ZNRF1: variants seen among roughly 807,000 people sequenced by gnomAD.
ZNRF1 encodes zinc and ring finger 1.
Under a neutral mutation model 18.4 loss-of-function variants are expected in ZNRF1, and 3 were observed. The ratio of observed to expected loss-of-function variants is 0.16; its 90% CI spans 0.07 to 0.42. The LOEUF is 0.42. Ranked by LOEUF, ZNRF1 falls within the 10% of genes least tolerant of loss-of-function variation. The pLI, the probability that ZNRF1 is intolerant of heterozygous loss-of-function variation, is 0.99. For missense variants in ZNRF1, 310 were observed against 329.8 expected (o/e 0.94, Z 0.47); for synonymous variants, 157 against 144.2 (o/e 1.09, Z -0.64).
At chr16:75,040,883 C>CA in intron 1 of ZNRF1, among the ~76,000 whole-genome samples, 1 of 152,066 alleles carries the variant, frequency 6.6e-6, no homozygotes, top group Admixed American at 6.6e-5. Flanking sequence ...GCAGGGATTA[C>CA]AGGCATAAGC....
At position 75,011,666 on chromosome 16, in the gene ZNRF1, C is replaced by T. The variant is rs1403228571; in HGVS notation, c.424+11571C>T. Among the ~76,000 whole-genome samples, 4 of 152,218 alleles carry T rather than the reference C, an allele frequency of 2.6e-5. No homozygotes were observed. In the South Asian group the frequency reaches 8.3e-4, roughly 31 times the overall value. ...CATTCATGCCATTGCAGCCAGTGCC[C>T]TGGAAAGCTATAAGCAAGTCTTAAG... On this transcript the variant is annotated intron_variant, in intron 1 of 4. Coordinates refer to ENST00000335325, the MANE Select transcript of ZNRF1 (RefSeq NM_032268.5).
chr16:75,091,949 T>C (rs1354825503), intron 1 of ZNRF1, among the ~76,000 whole-genome samples: 2 of 152,164 alleles, frequency 1.3e-5, no homozygotes, highest in African/African-American at 4.8e-5. Flanking sequence ...ATGTTATAAA[T>C]GTATTATATA....
At chr16:75,050,837 C>G (rs1196079051) in intron 1 of ZNRF1, among the ~76,000 whole-genome samples, 12 of 127,140 alleles carry the variant, frequency 9.4e-5, no homozygotes, top group African/African-American at 3.5e-4. Flanking sequence ...CGCCACTGCA[C>G]TCCAGCCTGG....
intron 1 of ZNRF1, among the ~76,000 whole-genome samples, chr16:75,024,936 G>T (rs966896808): frequency 2.0e-5 from 3 of 152,212 alleles, no homozygotes; most frequent in African/African-American, 7.2e-5. Flanking sequence ...GCCTCTGGAT[G>T]AATGGGTGTG....
chr16:75,096,617 G>A lies in ZNRF1; in HGVS notation c.520+2950G>A, dbSNP rs2036203168. Among the ~76,000 whole-genome samples the A allele has an allele frequency of 2.6e-5, 4 of 152,186 alleles. No individual in the cohort carries two copies. The South Asian group carries it at 8.3e-4, about 32-fold the overall frequency. On this transcript the variant is annotated intron_variant, in intron 2 of 4. Coordinates refer to ENST00000335325, the MANE Select transcript of ZNRF1 (RefSeq NM_032268.5). ...CTTATGAAGATTCACTAGAACTCCT[G>A]GTCACTCCCCTGAAGACTTCCCATT...
At chr16:75,106,937 C>G (rs1042608085) in intron 4 of ZNRF1, 3 of 225,990 alleles carry the variant, frequency 1.3e-5, no homozygotes, top group Non-Finnish European at 2.7e-5. Flanking sequence ...CCTCGCTCAC[C>G]TCTGAGTCTC....
At chr16:75,093,096 C>T (rs536085362) in intron 1 of ZNRF1, among the ~76,000 whole-genome samples, 2 of 152,250 alleles carry the variant, frequency 1.3e-5, no homozygotes, top group South Asian at 4.1e-4. Context: ...CAATAAAAGG[C>T]AAATGCCACC....
At chr16:75,087,633 T>C (rs1244966708) in intron 1 of ZNRF1, among the ~76,000 whole-genome samples, 2 of 152,152 alleles carry the variant, frequency 1.3e-5, no homozygotes, top group African/African-American at 2.4e-5. Flanking sequence ...CAGAGCAGAA[T>C]TGGGTGATTA....
chr16:75,029,626 A>G (rs2035273638), intron 1 of ZNRF1, among the ~76,000 whole-genome samples: 1 of 147,884 alleles, frequency 6.8e-6, no homozygotes, highest in Non-Finnish European at 1.5e-5. Context: ...AAAATTAGTC[A>G]TGCATGGTAG....
chr16:75,001,579 G>T (rs2034849920), intron 1 of ZNRF1, among the ~76,000 whole-genome samples: 1 of 152,136 alleles, frequency 6.6e-6, no homozygotes, highest in Non-Finnish European at 1.5e-5. Context: ...TTTTCCTATG[G>T]AATTTAGTCC....
intron 2 of ZNRF1, among the ~76,000 whole-genome samples, chr16:75,093,894 G>A (rs367903625): frequency 6.6e-6 from 1 of 152,204 alleles, no homozygotes; most frequent in African/African-American, 2.4e-5. Context: ...GGTCAGGTCC[G>A]AGGTCTGGGA....
At chr16:75,039,589 G>A (rs1343478843) in intron 1 of ZNRF1, among the ~76,000 whole-genome samples, 1 of 152,194 alleles carries the variant, frequency 6.6e-6, no homozygotes, top group Non-Finnish European at 1.5e-5. Context: ...GTTCCCCTTT[G>A]TTAGAGATTT....
In ZNRF1 at chr16:75,049,657, G is replaced by A. The variant is rs543772425; in HGVS notation, c.425-43915G>A. Among the ~76,000 whole-genome samples the A allele has an allele frequency of 3.4e-4, 52 of 152,190 alleles. 1 individual carries two copies. The highest frequency in any genetic ancestry group is 2.8e-3 in the Admixed American group (43 of 15,276). ...ACAAAAAATGCAAAAAACAAATTTC[G>A]CTGCTTCTACTTACTTCTGTACAGT... On this transcript the variant is annotated intron_variant, in intron 1 of 4. Coordinates refer to ENST00000335325, the MANE Select transcript of ZNRF1 (RefSeq NM_032268.5).
At position 75,075,690 on chromosome 16, in the gene ZNRF1, C is replaced by G. The variant is rs560132775; in HGVS notation, c.425-17882C>G. ...CAGCAGTAAAATAAACAGACTCTGC[C>G]TTCAAGGGGCTTATACTGTAAGGGG... On this transcript the variant is annotated intron_variant, in intron 1 of 4. Transcript: ENST00000335325. Among the ~76,000 whole-genome samples, 3 of 152,306 alleles carry G rather than the reference C, an allele frequency of 2.0e-5. No homozygotes were observed. The South Asian group carries it at 6.2e-4, about 32-fold the overall frequency.
At chr16:75,041,481 C>T (rs146194237) in intron 1 of ZNRF1, among the ~76,000 whole-genome samples, 77 of 152,040 alleles carry the variant, frequency 5.1e-4, no homozygotes, top group African/African-American at 1.3e-3. Flanking sequence ...GTGTGCATGC[C>T]GCCATATCCG....
In ZNRF1 at chr16:75,049,879, G is replaced by A. The variant is rs545286496; in HGVS notation, c.425-43693G>A. ...TGTGTGTGTGTGTGTGTGGTTTAGT[G>A]CAGTTTCATCATACATATGGGTTTA... On this transcript the variant is annotated intron_variant, in intron 1 of 4. Transcript: ENST00000335325. Among the ~76,000 whole-genome samples the A allele has an allele frequency of 3.1e-4, 43 of 138,128 alleles. No individual in the cohort carries two copies. The South Asian group carries it at 9.2e-3, about 30-fold the overall frequency. The allele number at this position is 138,128 out of a possible 152,430, so 90.6% of individuals were successfully genotyped here.
chr16:75,060,603 A>G (rs1375122512), intron 1 of ZNRF1, among the ~76,000 whole-genome samples: 2 of 150,998 alleles, frequency 1.3e-5, no homozygotes, highest in African/African-American at 2.4e-5. Context: ...CTCCCTCCCA[A>G]GTAGCTGGTA....
chr16:75,030,769 G>A (rs542327145), intron 1 of ZNRF1, among the ~76,000 whole-genome samples: 250 of 149,852 alleles, frequency 1.7e-3, no homozygotes, highest in Admixed American at 3.4e-3. Flanking sequence ...TTAGCATCTG[G>A]TTTCTTTAAG....
At chr16:75,062,393 C>T (rs1031253658) in intron 1 of ZNRF1, among the ~76,000 whole-genome samples, 1 of 152,238 alleles carries the variant, frequency 6.6e-6, no homozygotes, top group Non-Finnish European at 1.5e-5. Context: ...AGTGCACTGA[C>T]CTTTTGCTAA....
Sources: allele counts gnomAD v4.1 joint callset (sites outside exome capture counted in the v4.1 genomes callset), GRCh38; gene constraint gnomAD v4.1.1; transcripts MANE v1.5; gene names NCBI Gene and HGNC (gene_info 2026-07-23, HGNC 2026-07-21).